Variants in PRPF19 observed in about 807,000 individuals in gnomAD.
The protein encoded by PRPF19 is pre-mRNA processing factor 19.
Under a neutral mutation model 64.2 loss-of-function variants are expected in PRPF19, and 2 were observed. The ratio of observed to expected loss-of-function variants is 0.03; its 90% CI spans 0.01 to 0.10. The LOEUF (loss-of-function observed/expected upper bound fraction) is 0.10, where lower values mean the gene tolerates loss of function less well. Ranked by LOEUF, PRPF19 falls within the 10% of genes least tolerant of loss-of-function variation. The pLI is 1.00. For missense variants in PRPF19, 314 were observed against 650.0 expected (o/e 0.48, Z 5.62); for synonymous variants, 226 against 251.6 (o/e 0.90, Z 0.96).
intron 9 of PRPF19, 67 bp from the exon 10 acceptor site, chr11:60,900,758 G>T: frequency 3.8e-6 from 6 of 1,581,074 alleles, no homozygotes; most frequent in Non-Finnish European, 5.2e-6. Context: ...TCAAGGAAAT[G>T]CTTTTGTTCC....
intron 15 of PRPF19, 101 bp from the exon 16 acceptor site, chr11:60,891,364 A>G (rs1855856867): frequency 1.2e-6 from 1 of 860,546 alleles, no homozygotes; most frequent in African/African-American, 1.7e-5. Flanking sequence ...GCCTTCTCTA[A>G]TTAGTATTTA....
At chr11:60,893,642 T>C in intron 15 of PRPF19, among the ~76,000 whole-genome samples, 1 of 152,076 alleles carries the variant, frequency 6.6e-6, no homozygotes, top group East Asian at 1.9e-4. Context: ...ACAAATTTTT[T>C]TGGTTTCTCA....
chr11:60,898,755 C>CTCA lies in PRPF19; in HGVS notation c.1054+104_1054+106dup, dbSNP rs1213348170. 3 of 1,527,680 alleles carry CTCA rather than the reference C, an allele frequency of 2.0e-6. No homozygotes were observed. In the African/African-American group the frequency reaches 4.2e-5, roughly 21 times the overall value. The allele number at this position is 1,527,680 out of a possible 1,614,324, so 94.6% of individuals were successfully genotyped here. A position where few individuals can be genotyped will look rare whatever the true frequency, so the allele number is the denominator to read the frequency against. ...GCACAAAGCCCGCACTAGACAGGTG[C>CTCA]TCATGGTAAATATATCTTTAGAACA... On this transcript the variant is annotated intron_variant, in intron 12 of 15. Coordinates refer to ENST00000227524, the MANE Select transcript of PRPF19 (RefSeq NM_014502.5). The surrounding 1 kb of genome is among the most constrained non-coding windows in gnomAD (Gnocchi z 4.6).
Position 60,898,793 on chromosome 11 carries a change from A to G in PRPF19, c.1054+69T>C, listed in dbSNP as rs1459564488. The G allele has an allele frequency of 2.7e-6, 4 of 1,498,724 alleles. No homozygotes were observed. The highest frequency in any genetic ancestry group is 3.6e-6 in the Non-Finnish European group (4 of 1,115,406). The allele number at this position is 1,498,724 out of a possible 1,614,324, so 92.8% of individuals were successfully genotyped here. On this transcript the variant is annotated intron_variant, in intron 12 of 15. Transcript: ENST00000227524. The surrounding 1 kb of genome is among the most constrained non-coding windows in gnomAD (Gnocchi z 4.6). ...TATCTTTAGAACAAATAAACAAATG[A>G]CTAAATAAAATGTAAAAATAAATAA...
chr11:60,898,483 A>G lies in PRPF19; in HGVS notation c.1140+58T>C. 6.2e-7 allele frequency: 1 copy of G among 1,612,672 alleles called. No individual in the cohort carries two copies. Among genetic ancestry groups the G allele is most frequent in the Non-Finnish European group, 8.5e-7 (1 of 1,179,430 alleles). On this transcript the variant is annotated intron_variant, in intron 13 of 15. Coordinates refer to ENST00000227524, the MANE Select transcript of PRPF19 (RefSeq NM_014502.5). The surrounding 1 kb of genome is among the most constrained non-coding windows in gnomAD (Gnocchi z 4.6). Reference sequence around the variant, plus strand: ...GCCACAAGCACCTAATTAGCACTGCATTGTCACAAACACTCCCTCTGGCCC... The same window carrying G: ...GCCACAAGCACCTAATTAGCACTGCGTTGTCACAAACACTCCCTCTGGCCC...
intron 15 of PRPF19, 183 bp downstream of exon 15, chr11:60,897,663 A>C (rs1016646415): frequency 1.5e-5 from 8 of 551,120 alleles, no homozygotes; most frequent in Non-Finnish European, 2.6e-5. Context: ...CAGAACAAGC[A>C]CTAGCATCTA....
chr11:60,895,149 C>T (rs982566457), intron 15 of PRPF19, among the ~76,000 whole-genome samples: 1 of 152,206 alleles, frequency 6.6e-6, no homozygotes, highest in Non-Finnish European at 1.5e-5. Context: ...TCTTGGAAAC[C>T]AGGCATTGAC....
In PRPF19 at chr11:60,897,964, G is replaced by A; in HGVS notation, c.1312-13C>T. Reference sequence around the variant, plus strand: ...TCAGTGACTTTACCTGCCAGAAATAGAAAGAGAGAAGGTCACACAAGGGGA... The same window carrying A: ...TCAGTGACTTTACCTGCCAGAAATAAAAAGAGAGAAGGTCACACAAGGGGA... On this transcript the variant is annotated splice_polypyrimidine_tract_variant and intron_variant, in intron 14 of 15. Transcript: ENST00000227524. 6.2e-7 allele frequency: 1 copy of A among 1,610,758 alleles called. No homozygotes were observed. The highest frequency in any genetic ancestry group is 8.5e-7 in the Non-Finnish European group (1 of 1,176,914).
In PRPF19 at chr11:60,899,306, T is replaced by TA. The variant is rs1855956393; in HGVS notation, c.829-3dup. 6.2e-7 allele frequency: 1 copy of TA among 1,608,954 alleles called. No individual in the cohort carries two copies. The highest frequency in any genetic ancestry group is 1.3e-5 in the African/African-American group (1 of 74,882). ...GGGGGAAGCAGAAAACACCAGGTCC[T>TA]ACAAGGAAAACAAAGACAGAATATC... On this transcript the variant is annotated splice_polypyrimidine_tract_variant and splice_region_variant and intron_variant, in intron 10 of 15. Coordinates refer to ENST00000227524, the MANE Select transcript of PRPF19 (RefSeq NM_014502.5).
chr11:60,895,113 A>T (rs1855905061), intron 15 of PRPF19, among the ~76,000 whole-genome samples: 1 of 152,228 alleles, frequency 6.6e-6, no homozygotes, highest in South Asian at 2.1e-4. Context: ...TTAGTCCCTA[A>T]CAAGGGAATC....
chr11:60,906,334 G>A, intron 1 of PRPF19, 30 bp downstream of exon 1: 1 of 1,594,930 alleles, frequency 6.3e-7, no homozygotes, highest in Non-Finnish European at 8.5e-7. Flanking sequence ...GGCCTCCTGA[G>A]ACCCGCGCTT....
At chr11:60,900,511 A>ACAG in intron 10 of PRPF19, 71 bp downstream of exon 10, 1 of 1,229,822 alleles carries the variant, frequency 8.1e-7, no homozygotes, top group Admixed American at 2.2e-5. Context: ...CTTCACAGAG[A>ACAG]CAGCAGCGGG....
rs1565110589 is a variant in PRPF19 at position 60,898,779 on chromosome 11, C to A, written c.1054+83G>T. ...GCTCATGGTAAATATATCTTTAGAA[C>A]AAATAAACAAATGACTAAATAAAAT... On this transcript the variant is annotated intron_variant, in intron 12 of 15. Transcript: ENST00000227524. The surrounding 1 kb of genome is among the most constrained non-coding windows in gnomAD (Gnocchi z 4.6). 6.7e-6 allele frequency: 10 copies of A among 1,499,894 alleles called. No individual in the cohort carries two copies. Among genetic ancestry groups the A allele is most frequent in the South Asian group, 1.3e-5 (1 of 79,540 alleles). The allele number at this position is 1,499,894 out of a possible 1,614,324, so 92.9% of individuals were successfully genotyped here. A position where few individuals can be genotyped will look rare whatever the true frequency, so the allele number is the denominator to read the frequency against.
intron 15 of PRPF19, among the ~76,000 whole-genome samples, chr11:60,895,543 T>C (rs1281238441): frequency 6.6e-6 from 1 of 152,252 alleles, no homozygotes; most frequent in African/African-American, 2.4e-5. Flanking sequence ...GCAATAAGGA[T>C]GTTCTGCTTT....
At chr11:60,899,072 G>A in intron 11 of PRPF19, 77 bp downstream of exon 11, 2 of 1,533,290 alleles carry the variant, frequency 1.3e-6, no homozygotes, top group South Asian at 1.2e-5. Context: ...AGCTGGGGTG[G>A]GAAGATGTTC....
intron 15 of PRPF19, 93 bp from the exon 16 acceptor site, chr11:60,891,356 C>A (rs1855856837): frequency 1.0e-6 from 1 of 952,948 alleles, no homozygotes; most frequent in African/African-American, 1.6e-5. Context: ...ACAACCAGGC[C>A]TTCTCTAATT....
intron 6 of PRPF19, 62 bp from the exon 7 acceptor site, chr11:60,901,602 G>A: frequency 1.9e-6 from 3 of 1,590,022 alleles, no homozygotes; most frequent in Non-Finnish European, 2.6e-6. Flanking sequence ...TACATTAGAT[G>A]CTGGTCACAC....
Position 60,906,453 on chromosome 11 carries a change from C to T in PRPF19, c.-71G>A. The T allele has an allele frequency of 6.7e-7, 1 of 1,484,546 alleles. No homozygotes were observed. The highest frequency in any genetic ancestry group is 9.1e-7 in the Non-Finnish European group (1 of 1,097,842). 92.0% of individuals were successfully genotyped at this position (1,484,546 alleles called of 1,614,324 possible). A position where few individuals can be genotyped will look rare whatever the true frequency, so the allele number is the denominator to read the frequency against. ...CTAGCTTCTGAGCCTCCGCGAGCCA[C>T]TTCCGGTCCCCCGCTGCTGCCGGGA... is the stretch of plus-strand genomic sequence containing the variant. On this transcript the variant is annotated 5_prime_UTR_variant, in exon 1 of 16. The change creates a new upstream start codon in the 5' untranslated region. Transcript: ENST00000227524.
chr11:60,906,487 C>A lies in PRPF19; in HGVS notation c.-105G>T, dbSNP rs375202040. On this transcript the variant is annotated 5_prime_UTR_variant, in exon 1 of 16. Coordinates refer to ENST00000227524, the MANE Select transcript of PRPF19 (RefSeq NM_014502.5). ...CCCCGCTGCTGCCGGGACTGCTCCG[C>A]GGCGAGCTGGGAGCCGCCAGCCGAG... The A allele has an allele frequency of 8.3e-4, 1,078 of 1,298,060 alleles. 10 individuals carry two copies. In the South Asian group the frequency reaches 0.012, roughly 14 times the overall value. 80.4% of individuals were successfully genotyped at this position (1,298,060 alleles called of 1,614,324 possible). A position where few individuals can be genotyped will look rare whatever the true frequency, so the allele number is the denominator to read the frequency against.
Sources: allele counts gnomAD v4.1 joint callset (sites outside exome capture counted in the v4.1 genomes callset), GRCh38; gene constraint gnomAD v4.1.1; non-coding constraint Gnocchi (gnomAD v3.1); transcripts MANE v1.5; gene names NCBI Gene and HGNC (gene_info 2026-07-23, HGNC 2026-07-21).